LDLRAD4: variants seen among roughly 807,000 people sequenced by gnomAD.
The protein encoded by LDLRAD4 is low density lipoprotein receptor class A domain containing 4, also known as low-density lipoprotein receptor class A domain-containing protein 4.
A neutral mutation model predicts 17.0 loss-of-function variants in LDLRAD4; 5 were observed. That is an observed-to-expected ratio of 0.29 (90% CI 0.15 to 0.62). The LOEUF (loss-of-function observed/expected upper bound fraction) is 0.62. LDLRAD4 is among the 20% of genes least tolerant of loss of function. The pLI, the probability that LDLRAD4 is intolerant of heterozygous loss-of-function variation, is 0.84. For missense variants in LDLRAD4, 340 were observed against 424.7 expected (o/e 0.80, Z 1.75); for synonymous variants, 168 against 171.8 (o/e 0.98, Z 0.17).
chr18:13,404,228 A>G (rs1233322551), intron 2 of LDLRAD4, among the ~76,000 whole-genome samples: 1 of 152,170 alleles, frequency 6.6e-6, no homozygotes, highest in African/African-American at 2.4e-5. Flanking sequence ...GTGCCGTGGC[A>G]CAGGCCCCTT....
chr18:13,611,633 C>T, intron 3 of LDLRAD4: 1 of 985,368 alleles, frequency 1.0e-6, no homozygotes, highest in Non-Finnish European at 1.2e-6. Flanking sequence ...ATTCTGTTCT[C>T]TAATTTCTGA....
chr18:13,387,838 G>A, intron 2 of LDLRAD4, 76 bp downstream of exon 3: 1 of 1,331,572 alleles, frequency 7.5e-7, no homozygotes, highest in East Asian at 2.3e-5. Flanking sequence ...ACTGCATGCA[G>A]TGAACCTACC....
intron 2 of LDLRAD4, among the ~76,000 whole-genome samples, chr18:13,401,085 G>A (rs1228895016): frequency 1.3e-5 from 2 of 151,984 alleles, no homozygotes; most frequent in Non-Finnish European, 2.9e-5. Flanking sequence ...GTGAGGCCTC[G>A]CTAAGGACAA....
intron 3 of LDLRAD4, among the ~76,000 whole-genome samples, chr18:13,473,652 TATATATATATATATATATATATATATAA>T (rs1402203289): frequency 3.2e-5 from 3 of 95,174 alleles, no homozygotes; most frequent in African/African-American, 1.2e-4. Flanking sequence ...TATATATATA[TATATATATATATATATATATATATATAA>T]CGTTTACATT....
chr18:13,649,770 T>C (rs1208559685), exon 6 of LDLRAD4: 1 of 351,164 alleles, frequency 2.8e-6, no homozygotes, highest in East Asian at 4.3e-5. Flanking sequence ...GAAAGATACT[T>C]GGTTTCTGTT....
In LDLRAD4 at chr18:13,230,659, C is replaced by T. The variant is rs1262657557; in HGVS notation, c.-467+11671C>T. 4.2e-5 allele frequency among the ~76,000 whole-genome samples: 6 copies of T among 143,432 alleles called. No homozygotes were observed. In the East Asian group the frequency reaches 1.2e-3, roughly 29 times the overall value. 94.1% of individuals were successfully genotyped at this position (143,432 alleles called of 152,430 possible). A position where few individuals can be genotyped will look rare whatever the true frequency, so the allele number is the denominator to read the frequency against. On this transcript the variant is annotated intron_variant, in intron 1 of 5. Transcript: ENST00000399848. ...GGGCAGGGCGGGCCATGCATGGCTGCAGGTGGGGGAAGAGGTGGGAGGGTG... is the reference window on the plus strand; with the variant it reads ...GGGCAGGGCGGGCCATGCATGGCTGTAGGTGGGGGAAGAGGTGGGAGGGTG...
At chr18:13,541,822 C>T (rs2094288352) in intron 3 of LDLRAD4, among the ~76,000 whole-genome samples, 2 of 147,368 alleles carry the variant, frequency 1.4e-5, no homozygotes, top group Non-Finnish European at 2.9e-5. Flanking sequence ...GGAGACCAAG[C>T]CAGGAGGATA....
intron 1 of LDLRAD4, among the ~76,000 whole-genome samples, chr18:13,384,876 T>A (rs1324906458): frequency 1.3e-5 from 2 of 152,248 alleles, no homozygotes; most frequent in Non-Finnish European, 2.9e-5. Flanking sequence ...TGTCTTTATG[T>A]GTTCATCCAC....
At chr18:13,570,883 A>T (rs1033494686) in intron 3 of LDLRAD4, among the ~76,000 whole-genome samples, 1 of 152,008 alleles carries the variant, frequency 6.6e-6, no homozygotes, top group Non-Finnish European at 1.5e-5. Flanking sequence ...CAGTGGCATG[A>T]TCACAGATCA....
intron 3 of LDLRAD4, among the ~76,000 whole-genome samples, chr18:13,529,708 C>T (rs1207108612): frequency 6.6e-6 from 1 of 152,210 alleles, no homozygotes; most frequent in Non-Finnish European, 1.5e-5. Flanking sequence ...CAATAGCGAT[C>T]CTATCCTTTC....
upstream of LDLRAD4, among the ~76,000 whole-genome samples, chr18:13,276,783 G>A (rs561441524): frequency 2.6e-5 from 4 of 152,304 alleles, no homozygotes; most frequent in African/African-American, 9.6e-5. Flanking sequence ...ATTCGGTTGG[G>A]TAGAAGCCAA....
intron 4 of LDLRAD4, among the ~76,000 whole-genome samples, chr18:13,638,931 G>A (rs985205357): frequency 6.6e-6 from 1 of 152,204 alleles, no homozygotes. Flanking sequence ...CTGCAAGGAA[G>A]TATTCCGTAC....
intron 3 of LDLRAD4, among the ~76,000 whole-genome samples, chr18:13,513,894 A>G (rs1374015938): frequency 6.6e-6 from 1 of 152,232 alleles, no homozygotes; most frequent in Admixed American, 6.5e-5. Flanking sequence ...AAATTCAGAT[A>G]GACATCCTGA....
At chr18:13,326,258 G>A (rs529002684) in intron 1 of LDLRAD4, among the ~76,000 whole-genome samples, 1 of 152,154 alleles carries the variant, frequency 6.6e-6, no homozygotes, top group Admixed American at 6.5e-5. Context: ...TTCCTTAAAG[G>A]GGGGAAGGCT....
intron 1 of LDLRAD4, among the ~76,000 whole-genome samples, chr18:13,264,142 A>T (rs1182851268): frequency 6.6e-6 from 1 of 151,868 alleles, no homozygotes; most frequent in Non-Finnish European, 1.5e-5. Context: ...CCCAGAGTTG[A>T]GCAGTTGGTT....
chr18:13,479,370 C>T (rs1295135647), intron 3 of LDLRAD4, among the ~76,000 whole-genome samples: 3 of 152,220 alleles, frequency 2.0e-5, no homozygotes, highest in Non-Finnish European at 4.4e-5. Context: ...TCTGTAATCC[C>T]AGCACTTTGG....
chr18:13,331,851 C>T (rs534979265), intron 1 of LDLRAD4, among the ~76,000 whole-genome samples: 17 of 152,270 alleles, frequency 1.1e-4, no homozygotes, highest in Admixed American at 4.6e-4. Flanking sequence ...TAAGTATCTT[C>T]GGAATTTTCT....
intron 3 of LDLRAD4, among the ~76,000 whole-genome samples, chr18:13,585,934 C>A (rs1409196290): frequency 6.6e-6 from 1 of 152,170 alleles, no homozygotes; most frequent in Non-Finnish European, 1.5e-5. Flanking sequence ...ACTTGTCCAT[C>A]AAACCTTCAG....
At chr18:13,327,300 A>T (rs9945445) in intron 1 of LDLRAD4, among the ~76,000 whole-genome samples, 9,634 of 152,140 alleles carry the variant, frequency 0.063, 832 homozygotes, top group African/African-American at 0.19. Flanking sequence ...AGGGCACAGC[A>T]TCTGGACTTT....
Sources: allele counts gnomAD v4.1 joint callset (sites outside exome capture counted in the v4.1 genomes callset), GRCh38; gene constraint gnomAD v4.1.1; transcripts MANE v1.5; gene names NCBI Gene and HGNC (gene_info 2026-07-23, HGNC 2026-07-21).